KCTD18: variants seen among roughly 807,000 people sequenced by gnomAD.
The protein encoded by KCTD18 is BTB/POZ domain-containing protein KCTD18.
In KCTD18, 22 loss-of-function variants were observed where a neutral mutation model predicts 30.4. The ratio of observed to expected loss-of-function variants is 0.72; its 90% confidence interval spans 0.52 to 1.03. KCTD18 has a LOEUF of 1.03. KCTD18 is among the 50% of genes least tolerant of loss of function. KCTD18 has a pLI of 0.00. For missense variants in KCTD18, 529 were observed against 547.6 expected (o/e 0.97, Z 0.34); for synonymous variants, 186 against 209.0 (o/e 0.89, Z 0.95).
At chr2:200,490,637 C>T in intron 6 of KCTD18, 21 bp from the exon 7 acceptor site, 1 of 1,555,038 alleles carries the variant, frequency 6.4e-7, no homozygotes, top group Non-Finnish European at 8.7e-7. Flanking sequence ...AGAAGCGTGT[C>T]ATTTTCCACA....
chr2:200,507,500 G>C (rs1052903122), intron 1 of KCTD18, among the ~76,000 whole-genome samples: 2 of 152,216 alleles, frequency 1.3e-5, no homozygotes, highest in African/African-American at 2.4e-5. Context: ...CCCCTCACCA[G>C]CTCTAGGATC....
At position 200,506,986 on chromosome 2, in the gene KCTD18, G is replaced by T. The variant is rs2030236157; in HGVS notation, c.31C>A (p.Leu11Ile). The T allele has an allele frequency of 6.2e-7, 1 of 1,612,698 alleles. No homozygotes were observed. The highest frequency in any genetic ancestry group is 8.5e-7 in the Non-Finnish European group (1 of 1,179,106). Residue 11 changes from leucine (L) to isoleucine (I), a missense_variant, in exon 2 of 7, where the codon CTA becomes ATA. Physicochemically the swap from Leu to Ile is conservative, Grantham distance 5 (BLOSUM62 2). Coordinates refer to ENST00000359878, the MANE Select transcript of KCTD18 (RefSeq NM_152387.4). Reference sequence around the variant, plus strand: ...CCCACGTTCAGTCGGAGAACATCTAGCACCTCTTCTTCTGCCTTGTGGCCT... The same window carrying T: ...CCCACGTTCAGTCGGAGAACATCTATCACCTCTTCTTCTGCCTTGTGGCCT... MEGHKAEEEVLDVLRLNVGGC... is the reference protein window; with the variant it reads MEGHKAEEEVIDVLRLNVGGC...
chr2:200,495,997 A>T (rs1277417303), intron 5 of KCTD18: 3 of 151,812 alleles, frequency 2.0e-5, no homozygotes, highest in Non-Finnish European at 4.4e-5. Flanking sequence ...GGCTCACTGC[A>T]ACTTCTGCCT....
chr2:200,496,490 GTGTTTTGTTT>G (rs528736916), intron 5 of KCTD18: 3 of 152,472 alleles, frequency 2.0e-5, no homozygotes, highest in African/African-American at 7.2e-5. Flanking sequence ...AGCTGATACA[GTGTTTTGTTT>G]TGTTTTGTTT....
chr2:200,492,357 C>G (rs1343022597), intron 6 of KCTD18, among the ~76,000 whole-genome samples: 1 of 152,148 alleles, frequency 6.6e-6, no homozygotes, highest in Non-Finnish European at 1.5e-5. Flanking sequence ...GGCAAAATCA[C>G]CCCTCGTTGA....
At chr2:200,500,883 T>C (rs1173520148) in intron 3 of KCTD18, among the ~76,000 whole-genome samples, 2 of 151,990 alleles carry the variant, frequency 1.3e-5, no homozygotes, top group African/African-American at 4.8e-5. Flanking sequence ...GACTTCAAAC[T>C]ATACTACAAG....
chr2:200,500,111 G>A (rs542392279), intron 3 of KCTD18, among the ~76,000 whole-genome samples: 2 of 151,588 alleles, frequency 1.3e-5, no homozygotes, highest in East Asian at 3.9e-4. Context: ...CAATAAATTA[G>A]GTATTGATGG....
At chr2:200,500,800 C>G (rs906484886) in intron 3 of KCTD18, among the ~76,000 whole-genome samples, 12 of 151,888 alleles carry the variant, frequency 7.9e-5, no homozygotes, top group Admixed American at 1.3e-4. Flanking sequence ...TCATATGGAA[C>G]CAAAAAAGAG....
intron 3 of KCTD18, among the ~76,000 whole-genome samples, chr2:200,501,729 C>T (rs990108211): frequency 3.3e-5 from 5 of 149,602 alleles, no homozygotes; most frequent in East Asian, 3.9e-4. Context: ...GTCAGTGTGG[C>T]GATTCCTCAG....
At chr2:200,497,457 G>T in intron 5 of KCTD18, 1 of 217,774 alleles carries the variant, frequency 4.6e-6, no homozygotes, top group Non-Finnish European at 9.0e-6. Context: ...TGCTTAATTT[G>T]AAGTATTTTT....
rs911688269 is a variant in KCTD18 at position 200,490,993 on chromosome 2, G to GA, written c.765-378dup. 3.3e-4 allele frequency among the ~76,000 whole-genome samples: 50 copies of GA among 150,836 alleles called. 1 individual carries two copies. The Middle Eastern group carries it at 0.017, about 52-fold the overall frequency. On this transcript the variant is annotated intron_variant, in intron 6 of 6. Transcript: ENST00000359878. ...CTGCAGTTTAAAGAGATTTAGTAAAGAAAAAAAAAGATTTCACAATCAAAT... is the reference window on the plus strand; with the variant it reads ...CTGCAGTTTAAAGAGATTTAGTAAAGAAAAAAAAAAGATTTCACAATCAAAT...
At chr2:200,502,528 T>C (rs2029908624) in intron 3 of KCTD18, among the ~76,000 whole-genome samples, 1 of 152,238 alleles carries the variant, frequency 6.6e-6, no homozygotes, top group Non-Finnish European at 1.5e-5. Context: ...AAACTCAATA[T>C]CTAAACTCCG....
At chr2:200,493,616 T>A (rs986199363) in intron 5 of KCTD18, among the ~76,000 whole-genome samples, 2 of 152,198 alleles carry the variant, frequency 1.3e-5, no homozygotes, top group Non-Finnish European at 2.9e-5. Flanking sequence ...ACTATTCATG[T>A]CACCTTGGGA....
chr2:200,506,939 C>A lies in KCTD18; in HGVS notation c.78G>T (p.Arg26=). The stretch of plus-strand genomic sequence containing the variant: ...CCTTGAAGCGGCACAAGGACTCCCG[C>A]CGGGCTGTGTAAATACAGCCACCCA... ...LNVGGCIYTA[R]RESLCRFKDS... is the part of the protein sequence containing the mutation. Residue 26 remains arginine (R), a synonymous_variant, in exon 2 of 7, where the codon CGG becomes CGT. Coordinates refer to ENST00000359878, the MANE Select transcript of KCTD18 (RefSeq NM_152387.4). 3 of 1,614,044 alleles carry A rather than the reference C, an allele frequency of 1.9e-6. No homozygotes were observed. Among genetic ancestry groups the A allele is most frequent in the African/African-American group, 1.3e-5 (1 of 75,038 alleles).
In KCTD18 at chr2:200,490,056, A is replaced by G. The variant is rs887295557; in HGVS notation, c.*44T>C. The G allele has an allele frequency of 3.3e-6, 5 of 1,520,554 alleles. No homozygotes were observed. The African/African-American group carries it at 6.9e-5, about 21-fold the overall frequency. The allele number at this position is 1,520,554 out of a possible 1,614,324, so 94.2% of individuals were successfully genotyped here. Reference sequence around the variant, plus strand: ...CACTTCTTTGCGTCGAATGGGTTGAAAGCTTTGGGAGATGAACGGGAAATT... The same window carrying G: ...CACTTCTTTGCGTCGAATGGGTTGAGAGCTTTGGGAGATGAACGGGAAATT... On this transcript the variant is annotated 3_prime_UTR_variant, in exon 7 of 7. Coordinates refer to ENST00000359878, the MANE Select transcript of KCTD18 (RefSeq NM_152387.4).
At chr2:200,505,008 T>C (rs1391478982) in intron 2 of KCTD18, 49 bp from the exon 3 acceptor site, 1 of 1,471,656 alleles carries the variant, frequency 6.8e-7, no homozygotes, top group Non-Finnish European at 9.4e-7. Flanking sequence ...TGTCGATCAA[T>C]AAGATTTCAA....
At chr2:200,499,149 C>T (rs1419137398) in intron 3 of KCTD18, 65 bp from the exon 4 acceptor site, 2 of 1,124,298 alleles carry the variant, frequency 1.8e-6, no homozygotes, top group Non-Finnish European at 2.5e-6. Context: ...TGAATATGCT[C>T]CATTACTTTC....
chr2:200,493,407 G>C lies in KCTD18; in HGVS notation c.662-133C>G, dbSNP rs919533069. On this transcript the variant is annotated intron_variant, in intron 5 of 6. Transcript: ENST00000359878. Reference sequence around the variant, plus strand: ...TGGCAAAGAGAGGTGTGCACAACATGAACAGGAAGCGCTCACACGAGGAGC... The same window carrying C: ...TGGCAAAGAGAGGTGTGCACAACATCAACAGGAAGCGCTCACACGAGGAGC... 4.1e-5 allele frequency: 26 copies of C among 631,208 alleles called. No individual in the cohort carries two copies. The Admixed American group carries it at 4.4e-4, about 11-fold the overall frequency. 39.1% of individuals were successfully genotyped at this position (631,208 alleles called of 1,614,324 possible). A position where few individuals can be genotyped will look rare whatever the true frequency, so the allele number is the denominator to read the frequency against.
rs761513336 is a variant in KCTD18, at chr2:200,493,265, T to C, written c.671A>G (p.Tyr224Cys). The change falls in exon 6 of 7, where the codon TAC (tyrosine) becomes TGC (cysteine). Residue 224 changes from tyrosine (Y) to cysteine (C), a missense_variant. Coordinates refer to ENST00000359878, the MANE Select transcript of KCTD18 (RefSeq NM_152387.4). ...TATCAGCTCATGAGGCACCCGCCAG[T>C]AGCTAACACCTGGAAGGTAAAAAGA... is the stretch of plus-strand genomic sequence containing the variant. ...FDAWEGKGVS[Y>C]WRVPHELIEC... 4 of 1,596,476 alleles carry C rather than the reference T, an allele frequency of 2.5e-6. No individual in the cohort carries two copies. In the African/African-American group the frequency reaches 4.0e-5, roughly 16 times the overall value.
Sources: allele counts gnomAD v4.1 joint callset (sites outside exome capture counted in the v4.1 genomes callset), GRCh38; gene constraint gnomAD v4.1.1; transcripts MANE v1.5; gene names NCBI Gene and HGNC (gene_info 2026-07-23, HGNC 2026-07-21).